Variants in WNK3 observed in about 807,000 individuals in gnomAD.
The protein encoded by WNK3 is WNK lysine deficient protein kinase 3, also known as serine/threonine-protein kinase WNK3.
Under a neutral mutation model 116.7 loss-of-function variants are expected in WNK3, and 18 were observed. That is an observed-to-expected ratio of 0.15 (90% CI 0.11 to 0.23). The LOEUF (loss-of-function observed/expected upper bound fraction) is 0.23, where lower values mean the gene tolerates loss of function less well. Among genes scored for constraint, WNK3 ranks in the 10% least tolerant of loss-of-function variants. The pLI is 1.00. For missense variants in WNK3, 993 were observed against 1,323.8 expected (o/e 0.75, Z 3.88); for synonymous variants, 404 against 469.4 (o/e 0.86, Z 1.80).
At chrX:54,319,375 C>G (rs1057401794) in intron 2 of WNK3, among the ~76,000 whole-genome samples, 1 of 110,872 alleles carries the variant, frequency 9.0e-6, no homozygotes, top group African/African-American at 3.3e-5. Context: ...GTTGCCCAGG[C>G]TGGTCTCAAA....
At chrX:54,233,694 G>A (rs1426219236) in intron 20 of WNK3, among the ~76,000 whole-genome samples, 1 of 109,311 alleles carries the variant, frequency 9.1e-6, no homozygotes, top group Non-Finnish European at 1.9e-5. Flanking sequence ...AACATTTTTT[G>A]CCAGACGCAG....
chrX:54,337,234 A>G (rs782410252), intron 1 of WNK3, among the ~76,000 whole-genome samples: 2 of 111,743 alleles, frequency 1.8e-5, no homozygotes, highest in Non-Finnish European at 3.8e-5. Context: ...GAAAGCCTTC[A>G]AAATTTTTTT....
intron 1 of WNK3, among the ~76,000 whole-genome samples, chrX:54,353,755 A>G (rs1052635385): frequency 3.7e-5 from 4 of 107,733 alleles, no homozygotes; most frequent in African/African-American, 1.4e-4. Context: ...TCAAAAAAAA[A>G]AAGTTACCAT....
In WNK3 at chrX:54,270,166, C is replaced by T. The variant is rs781952924; in HGVS notation, c.2038-10828G>A. ...TCTTGCCCAGGCTCGAGTGCAACAG[C>T]GTGATCCCGGCTCCCTGCAACCTCC... On this transcript the variant is annotated intron_variant, in intron 10 of 23. Coordinates refer to ENST00000354646, the Ensembl canonical transcript of WNK3. 4.5e-5 allele frequency among the ~76,000 whole-genome samples: 5 copies of T among 110,782 alleles called. No individual in the cohort carries two copies. In the South Asian group the frequency reaches 1.6e-3, roughly 34 times the overall value.
At chrX:54,266,044 G>C (rs1163309085) in intron 10 of WNK3, among the ~76,000 whole-genome samples, 1 of 112,428 alleles carries the variant, frequency 8.9e-6, no homozygotes, top group Non-Finnish European at 1.9e-5. Flanking sequence ...AATGGTGAAG[G>C]TGTTGAGAAG....
chrX:54,308,142 T>A, intron 4 of WNK3, 63 bp from the exon 5 acceptor site: 1 of 961,886 alleles, frequency 1.0e-6, no homozygotes, highest in South Asian at 3.0e-5. Context: ...CAAGATCACA[T>A]CCCCTTTCCT....
At chrX:54,269,215 A>G (rs781868011) in intron 10 of WNK3, among the ~76,000 whole-genome samples, 38 of 111,924 alleles carry the variant, frequency 3.4e-4, no homozygotes, top group Non-Finnish European at 5.8e-4. Context: ...AGACAGAAAA[A>G]GGTTGAAGAA....
chrX:54,325,195 T>C (rs989918647), intron 2 of WNK3, among the ~76,000 whole-genome samples: 3 of 111,279 alleles, frequency 2.7e-5, no homozygotes, highest in Non-Finnish European at 5.6e-5. Flanking sequence ...AGTGTCATGT[T>C]TGGTTCGGTT....
intron 22 of WNK3, among the ~76,000 whole-genome samples, chrX:54,216,033 T>C (rs1365507292): frequency 9.1e-6 from 1 of 110,268 alleles, no homozygotes; most frequent in Non-Finnish European, 1.9e-5. Flanking sequence ...GTTAAATGGA[T>C]TAAGGGCGGT....
intron 10 of WNK3, among the ~76,000 whole-genome samples, chrX:54,271,719 T>C (rs938766781): frequency 2.7e-5 from 3 of 112,198 alleles, no homozygotes; most frequent in African/African-American, 9.7e-5. Context: ...TACCTTATCA[T>C]GGTAATCCGC....
intron 10 of WNK3, among the ~76,000 whole-genome samples, chrX:54,276,872 C>T (rs782065828): frequency 2.3e-4 from 26 of 111,237 alleles, no homozygotes; most frequent in African/African-American, 6.5e-4. Context: ...CCCACTACCA[C>T]GCCCGGCTAA....
rs1373207932 is a variant in WNK3, at chrX:54,249,137, G to A, written c.3211C>T (p.Pro1071Ser). 4 of 1,210,153 alleles carry A rather than the reference G, an allele frequency of 3.3e-6. No homozygotes were observed. The African/African-American group carries it at 7.0e-5, about 21-fold the overall frequency. Residue 1071 changes from proline (P) to serine (S), a missense_variant, in exon 17 of 24, where the codon CCT (proline) becomes TCT (serine). By Grantham distance (74) the Pro-to-Ser change is moderately conservative (BLOSUM62 -1). This residue lies in a region of WNK3 where 836 missense variants were observed against 976.5 expected (regional missense o/e 0.86). Coordinates refer to ENST00000354646, the Ensembl canonical transcript of WNK3. Reference sequence around the variant, plus strand: ...GTCTGAGTGGGAATGACTGTCTTAGGAGAACTTGCTTCAGTGTTCACTGTA... The same window carrying A: ...GTCTGAGTGGGAATGACTGTCTTAGAAGAACTTGCTTCAGTGTTCACTGTA...
chrX:54,259,556 T>C (rs2068234725), intron 10 of WNK3, among the ~76,000 whole-genome samples: 1 of 111,872 alleles, frequency 8.9e-6, no homozygotes, highest in African/African-American at 3.2e-5. Context: ...TACATGAAGA[T>C]TTTTCATTTG....
intron 10 of WNK3, among the ~76,000 whole-genome samples, chrX:54,281,910 C>T (rs188097805): frequency 3.2e-4 from 36 of 111,178 alleles, no homozygotes; most frequent in African/African-American, 1.2e-3. Context: ...AATAAAGCTG[C>T]AATGAACATG....
chrX:54,213,108 G>A (rs782546337), intron 22 of WNK3, among the ~76,000 whole-genome samples: 3 of 110,144 alleles, frequency 2.7e-5, no homozygotes, highest in African/African-American at 6.6e-5. Context: ...AGCCTCCTGC[G>A]TAGCTGGGAC....
In WNK3 at chrX:54,301,870, A is replaced by G. The variant is rs1569538397; in HGVS notation, c.1090-11T>C. The G allele has an allele frequency of 6.8e-6, 8 of 1,184,669 alleles. No homozygotes were observed. Among genetic ancestry groups the G allele is most frequent in the Non-Finnish European group, 8.0e-6 (7 of 872,629 alleles). ...GGCTGGTTTTATGCCCTAGGAGAAA[A>G]AAATGGTTTCTAGTAACAATGATGC... On this transcript the variant is annotated splice_polypyrimidine_tract_variant and intron_variant, in intron 5 of 23. Coordinates refer to ENST00000354646, the Ensembl canonical transcript of WNK3.
At chrX:54,299,914 C>T (rs1475555552) in intron 6 of WNK3, among the ~76,000 whole-genome samples, 1 of 110,629 alleles carries the variant, frequency 9.0e-6, no homozygotes, top group East Asian at 2.8e-4. Flanking sequence ...GGCTGGAGTG[C>T]AGTGGCAAGA....
chrX:54,258,492 C>A (rs1401228102), intron 11 of WNK3, among the ~76,000 whole-genome samples: 1 of 107,990 alleles, frequency 9.3e-6, no homozygotes, highest in Non-Finnish European at 1.9e-5. Flanking sequence ...CATCACCACA[C>A]CTGGCTAAAT....
chrX:54,248,600 A>G, intron 17 of WNK3, 97 bp downstream of exon 17: 1 of 757,029 alleles, frequency 1.3e-6, no homozygotes, highest in Non-Finnish European at 1.9e-6. Context: ...TGTGACATAG[A>G]CCATTTCATC....
Sources: allele counts gnomAD v4.1 joint callset (sites outside exome capture counted in the v4.1 genomes callset), GRCh38; gene constraint gnomAD v4.1.1; regional missense constraint gnomAD v4.1.1; transcripts MANE v1.5; gene names NCBI Gene and HGNC (gene_info 2026-07-23, HGNC 2026-07-21).